LUZP2: variants seen among roughly 807,000 people sequenced by gnomAD.
The protein encoded by LUZP2 is leucine zipper protein 2.
LUZP2 carries 52 observed loss-of-function variants against 51.6 expected under a neutral mutation model. The ratio of observed to expected loss-of-function variants is 1.01; its 90% CI spans 0.81 to 1.27. The LOEUF is 1.27. Ranked by LOEUF, LUZP2 falls within the 50% of genes most tolerant of loss-of-function variation. The pLI, the probability that LUZP2 is intolerant of heterozygous loss-of-function variation, is 0.00. For missense variants in LUZP2, 436 were observed against 395.4 expected (o/e 1.10, Z -0.87); for synonymous variants, 154 against 137.3 (o/e 1.12, Z -0.85).
chr11:24,716,796 T>G (rs1247127830), intron 1 of LUZP2, among the ~76,000 whole-genome samples: 2 of 152,118 alleles, frequency 1.3e-5, no homozygotes, highest in Non-Finnish European at 2.9e-5. Context: ...CTTGGGAGAC[T>G]GAGGCAGGAG....
Position 24,892,092 on chromosome 11 carries a change from C to G in LUZP2, c.397-13899C>G. 6.1e-6 allele frequency: 6 copies of G among 985,504 alleles called. No individual in the cohort carries two copies. The South Asian group carries it at 2.3e-4, about 39-fold the overall frequency. The allele number at this position is 985,504 out of a possible 1,614,324, so 61.0% of individuals were successfully genotyped here. ...GCTGAAGCCAGGGCTCATGGTCACT[C>G]GTGACTTACTAGTTTGATAGGCTCT... On this transcript the variant is annotated intron_variant, in intron 5 of 11. Coordinates refer to ENST00000336930, the MANE Select transcript of LUZP2 (RefSeq NM_001009909.4).
chr11:24,916,741 A>G (rs535482151), intron 7 of LUZP2, among the ~76,000 whole-genome samples: 1 of 152,258 alleles, frequency 6.6e-6, no homozygotes, highest in South Asian at 2.1e-4. Context: ...TCACTGATGG[A>G]CATTTGGGTT....
intron 1 of LUZP2, among the ~76,000 whole-genome samples, chr11:24,652,010 T>C (rs150252490): frequency 1.2e-4 from 18 of 152,196 alleles, no homozygotes; most frequent in African/African-American, 4.1e-4. Flanking sequence ...TGTATGTGTG[T>C]GTATGAGTGT....
chr11:24,672,577 T>TA (rs1031416510), intron 1 of LUZP2, among the ~76,000 whole-genome samples: 10 of 152,152 alleles, frequency 6.6e-5, no homozygotes, highest in African/African-American at 1.9e-4. Context: ...CCATTAAAAA[T>TA]AAAAAACTAC....
At chr11:24,973,567 C>A (rs572908086) in intron 7 of LUZP2, among the ~76,000 whole-genome samples, 1 of 151,576 alleles carries the variant, frequency 6.6e-6, no homozygotes, top group Non-Finnish European at 1.5e-5. Context: ...CTTTTTTTGA[C>A]GTGGGCTTTT....
At chr11:24,747,104 T>G (rs867330259) in intron 4 of LUZP2, among the ~76,000 whole-genome samples, 1 of 152,138 alleles carries the variant, frequency 6.6e-6, no homozygotes, top group South Asian at 2.1e-4. Flanking sequence ...TGTGATTTTT[T>G]GGGGGTGTTA....
At chr11:24,918,175 A>G (rs1209687915) in intron 7 of LUZP2, among the ~76,000 whole-genome samples, 4 of 152,020 alleles carry the variant, frequency 2.6e-5, no homozygotes, top group Admixed American at 6.6e-5. Context: ...TGATTTTTGG[A>G]CATTGATTTT....
chr11:24,840,939 A>G (rs1851009003), intron 5 of LUZP2, among the ~76,000 whole-genome samples: 1 of 152,048 alleles, frequency 6.6e-6, no homozygotes, highest in Admixed American at 6.6e-5. Flanking sequence ...TATAACCTGA[A>G]TATGATTGTT....
intron 5 of LUZP2, among the ~76,000 whole-genome samples, chr11:24,854,622 G>A (rs1288991743): frequency 1.3e-5 from 2 of 149,096 alleles, no homozygotes; most frequent in African/African-American, 5.0e-5. Flanking sequence ...TTCCAGGGCA[G>A]TGAACGATTC....
chr11:24,644,823 T>C (rs967810786), intron 1 of LUZP2, among the ~76,000 whole-genome samples: 2 of 152,212 alleles, frequency 1.3e-5, no homozygotes, highest in Non-Finnish European at 2.9e-5. Context: ...ATTTGTGTGT[T>C]ATTTAAATGG....
At chr11:24,774,327 T>C (rs1269319103) in intron 5 of LUZP2, among the ~76,000 whole-genome samples, 1 of 118,500 alleles carries the variant, frequency 8.4e-6, no homozygotes, top group Non-Finnish European at 1.8e-5. Context: ...TAATACTTAG[T>C]AAACTTCTCT....
intron 1 of LUZP2, among the ~76,000 whole-genome samples, chr11:24,534,479 A>G (rs920145108): frequency 6.7e-6 from 1 of 149,902 alleles, no homozygotes; most frequent in Non-Finnish European, 1.5e-5. Context: ...TTTTGTAGGT[A>G]TGTAAATATA....
intron 10 of LUZP2, among the ~76,000 whole-genome samples, chr11:25,052,291 C>T (rs1276902052): frequency 1.3e-5 from 2 of 152,166 alleles, no homozygotes; most frequent in Admixed American, 1.3e-4. Flanking sequence ...TTTTCAAGTT[C>T]TAGACCAGTA....
At chr11:24,821,186 A>T (rs572522455) in intron 5 of LUZP2, among the ~76,000 whole-genome samples, 4 of 152,268 alleles carry the variant, frequency 2.6e-5, no homozygotes, top group African/African-American at 7.2e-5. Flanking sequence ...TTGTTCGATA[A>T]GGGGCTATAT....
intron 7 of LUZP2, among the ~76,000 whole-genome samples, chr11:24,963,914 C>T (rs1274164246): frequency 6.6e-6 from 1 of 152,142 alleles, no homozygotes; most frequent in East Asian, 1.9e-4. Flanking sequence ...CTTGGCTCCT[C>T]CCCTCCAGGT....
chr11:25,005,014 C>A (rs575169206), intron 9 of LUZP2, among the ~76,000 whole-genome samples: 1 of 152,178 alleles, frequency 6.6e-6, no homozygotes, highest in Non-Finnish European at 1.5e-5. Flanking sequence ...TGTAGGACAT[C>A]TATGTACCTA....
At chr11:24,578,237 AT>A (rs1043721644) in intron 1 of LUZP2, among the ~76,000 whole-genome samples, 6 of 152,044 alleles carry the variant, frequency 3.9e-5, no homozygotes, top group African/African-American at 1.4e-4. Context: ...CTTCTTCTTA[AT>A]TTTAAGAAGC....
At chr11:24,940,904 C>T (rs1223511014) in intron 7 of LUZP2, among the ~76,000 whole-genome samples, 2 of 152,156 alleles carry the variant, frequency 1.3e-5, no homozygotes, top group African/African-American at 4.8e-5. Flanking sequence ...CTAATAGGCC[C>T]TCAGCAAATG....
intron 8 of LUZP2, among the ~76,000 whole-genome samples, chr11:24,978,783 A>G (rs1201987860): frequency 6.6e-6 from 1 of 151,768 alleles, no homozygotes; most frequent in East Asian, 1.9e-4. Flanking sequence ...GGCACGGTAT[A>G]GTCACAAAAC....
Sources: allele counts gnomAD v4.1 joint callset (sites outside exome capture counted in the v4.1 genomes callset), GRCh38; gene constraint gnomAD v4.1.1; transcripts MANE v1.5; gene names NCBI Gene and HGNC (gene_info 2026-07-23, HGNC 2026-07-21).